Variants in PCDHA7 observed in about 807,000 individuals in gnomAD.
PCDHA7 encodes protocadherin alpha-7.
PCDHA7 carries 37 observed loss-of-function variants against 57.2 expected under a neutral mutation model. The ratio of observed to expected loss-of-function variants is 0.65; its 90% CI spans 0.50 to 0.85. PCDHA7 has a LOEUF of 0.85. Ranked by LOEUF, PCDHA7 falls within the 40% of genes least tolerant of loss-of-function variation. The pLI is 0.00. For synonymous variants in PCDHA7, 553 were observed against 558.8 expected (o/e 0.99, Z 0.15); for missense variants, 1,188 against 1,241.8 (o/e 0.96, Z 0.65).
intron 1 of PCDHA7, chr5:140,850,815 C>T: frequency 6.3e-7 from 1 of 1,598,236 alleles, no homozygotes; most frequent in Non-Finnish European, 8.6e-7. Context: ...GGCCTTCAGC[C>T]CGGGCCTTTC....
chr5:140,958,265 C>A (rs1010851166), intron 1 of PCDHA7, among the ~76,000 whole-genome samples: 1 of 151,680 alleles, frequency 6.6e-6, no homozygotes, highest in Admixed American at 6.6e-5. Flanking sequence ...TAATTTGGTA[C>A]AAGAAGTATA....
At chr5:140,980,835 T>A (rs2096907301) in intron 2 of PCDHA7, among the ~76,000 whole-genome samples, 1 of 152,220 alleles carries the variant, frequency 6.6e-6, no homozygotes, top group South Asian at 2.1e-4. Flanking sequence ...GTTGTGAACC[T>A]AAATAATACT....
At chr5:140,990,429 C>A (rs2097393514) in intron 3 of PCDHA7, among the ~76,000 whole-genome samples, 1 of 152,144 alleles carries the variant, frequency 6.6e-6, no homozygotes, top group African/African-American at 2.4e-5. Context: ...CAGCATTGAC[C>A]CAATCTTGTG....
intron 1 of PCDHA7, chr5:140,869,676 A>G (rs1264007224): frequency 6.2e-7 from 1 of 1,613,486 alleles, no homozygotes; most frequent in African/African-American, 1.3e-5. Flanking sequence ...AGATTAAAAG[A>G]CTGTCACTTA....
chr5:140,915,006 C>A (rs958050012), intron 1 of PCDHA7, among the ~76,000 whole-genome samples: 2 of 149,102 alleles, frequency 1.3e-5, no homozygotes, highest in African/African-American at 5.0e-5. Flanking sequence ...AGTGCAGTGG[C>A]CTGATCTTGG....
At chr5:140,985,616 G>C in intron 3 of PCDHA7, among the ~76,000 whole-genome samples, 1 of 152,104 alleles carries the variant, frequency 6.6e-6, no homozygotes, top group African/African-American at 2.4e-5. Flanking sequence ...CCGTGAACCA[G>C]CTGTGTATTG....
chr5:140,998,639 A>G (rs1165002908), intron 3 of PCDHA7, among the ~76,000 whole-genome samples: 2 of 151,766 alleles, frequency 1.3e-5, no homozygotes, highest in African/African-American at 2.4e-5. Flanking sequence ...ATCTCAGCTC[A>G]CTGCAACCTC....
At chr5:140,878,586 C>T (rs1020008029) in intron 1 of PCDHA7, among the ~76,000 whole-genome samples, 9 of 152,164 alleles carry the variant, frequency 5.9e-5, no homozygotes, top group Non-Finnish European at 1.3e-4. Context: ...TGCCCTGTGC[C>T]TATTACCAAG....
At chr5:140,973,325 A>G (rs180770098) in intron 1 of PCDHA7, among the ~76,000 whole-genome samples, 71 of 152,216 alleles carry the variant, frequency 4.7e-4, no homozygotes, top group African/African-American at 1.7e-3. Context: ...CAGAGTTTAC[A>G]CTCGTTGTAA....
At chr5:140,969,279 A>G (rs782221973) in intron 1 of PCDHA7, 3 of 1,614,244 alleles carry the variant, frequency 1.9e-6, no homozygotes, top group East Asian at 2.2e-5. Flanking sequence ...CAAAGTGGTC[A>G]GAATGCTGGG....
chr5:140,870,399 T>C, intron 1 of PCDHA7: 1 of 1,614,196 alleles, frequency 6.2e-7, no homozygotes, highest in Non-Finnish European at 8.5e-7. Flanking sequence ...GGGGTTCGCC[T>C]TCTCTGTGGG....
At chr5:140,925,072 G>A (rs921580794) in intron 1 of PCDHA7, among the ~76,000 whole-genome samples, 10 of 149,184 alleles carry the variant, frequency 6.7e-5, no homozygotes, top group Admixed American at 2.0e-4. Flanking sequence ...AAAGCAACAC[G>A]CTCATCTGGA....
intron 3 of PCDHA7, among the ~76,000 whole-genome samples, chr5:140,984,824 C>T (rs920985683): frequency 6.6e-6 from 1 of 151,980 alleles, no homozygotes; most frequent in African/African-American, 2.4e-5. Flanking sequence ...TCTTAATTAC[C>T]CTTTCTGTAA....
intron 1 of PCDHA7, chr5:140,967,421 C>T (rs2096138629): frequency 6.2e-7 from 1 of 1,613,120 alleles, no homozygotes; most frequent in Non-Finnish European, 8.5e-7. Context: ...AGACCGGGAG[C>T]AGGCAGCCTT....
intron 1 of PCDHA7, chr5:140,876,186 T>A: frequency 1.2e-6 from 2 of 1,613,960 alleles, no homozygotes; most frequent in Middle Eastern, 1.6e-4. Context: ...TGAATGACAA[T>A]GGTCCGGCGT....
Position 140,914,628 on chromosome 5 carries a change from G to A in PCDHA7, c.2356-64321G>A, listed in dbSNP as rs540654869. 1.3e-4 allele frequency among the ~76,000 whole-genome samples: 19 copies of A among 151,834 alleles called. No homozygotes were observed. The South Asian group carries it at 1.7e-3, about 13-fold the overall frequency. ...CTGCCATTTTGTAATTTGTTTTCTC[G>A]TGGTTTCATGGTCATCTCTCCCTTC... is the stretch of plus-strand genomic sequence containing the variant. On this transcript the variant is annotated intron_variant, in intron 1 of 3. Transcript: ENST00000525929.
At chr5:140,960,511 C>T (rs2153725482) in intron 1 of PCDHA7, among the ~76,000 whole-genome samples, 1 of 152,156 alleles carries the variant, frequency 6.6e-6, no homozygotes, top group East Asian at 1.9e-4. Context: ...AAGCAGCAAA[C>T]ATAATGGGTA....
chr5:140,994,314 C>T (rs936811729), intron 3 of PCDHA7, among the ~76,000 whole-genome samples: 4 of 152,192 alleles, frequency 2.6e-5, no homozygotes, highest in African/African-American at 9.6e-5. Flanking sequence ...AGGGCCCAAA[C>T]ACTCTCAGCA....
intron 1 of PCDHA7, among the ~76,000 whole-genome samples, chr5:140,936,092 C>T (rs941947685): frequency 1.3e-5 from 2 of 152,034 alleles, no homozygotes; most frequent in Admixed American, 6.6e-5. Context: ...AGGGTTTCAC[C>T]ATGTTGGCCA....
Sources: gnomAD v4.1 joint callset for allele counts (sites outside exome capture counted in the v4.1 genomes callset) on GRCh38, gnomAD v4.1.1 for gene constraint, MANE v1.5 for transcripts, NCBI Gene and HGNC (gene_info 2026-07-23, HGNC 2026-07-21) for gene names.